Variants in PTPRD observed in about 807,000 individuals in gnomAD.
PTPRD encodes receptor-type tyrosine-protein phosphatase delta.
A neutral mutation model predicts 214.5 loss-of-function variants in PTPRD; 34 were observed. The observed-to-expected ratio is 0.16, with a 90% confidence interval of 0.12 to 0.21. PTPRD has a LOEUF of 0.21. PTPRD is among the 10% of genes least tolerant of loss of function. PTPRD has a pLI of 1.00. For synonymous variants in PTPRD, 1,128 were observed against 845.7 expected (o/e 1.33, Z -5.79); for missense variants, 2,545 against 2,398.7 (o/e 1.06, Z -1.27).
At chr9:9,984,938 C>A (rs2095659684) in intron 4 of PTPRD, among the ~76,000 whole-genome samples, 1 of 152,030 alleles carries the variant, frequency 6.6e-6, no homozygotes, top group African/African-American at 2.4e-5. Flanking sequence ...TGCAATGTGC[C>A]CTACAGCTGG....
chr9:8,953,432 C>G (rs916937847), intron 11 of PTPRD, among the ~76,000 whole-genome samples: 3 of 151,924 alleles, frequency 2.0e-5, no homozygotes, highest in African/African-American at 7.2e-5. Flanking sequence ...TTCTTGATAT[C>G]AGCCTTGGCA....
intron 3 of PTPRD, among the ~76,000 whole-genome samples, chr9:10,148,550 A>G (rs1275411860): frequency 6.6e-6 from 1 of 152,216 alleles, no homozygotes; most frequent in Non-Finnish European, 1.5e-5. Context: ...AGCAAATACT[A>G]TGGAATACTG....
intron 37 of PTPRD, among the ~76,000 whole-genome samples, chr9:8,385,660 C>T (rs751145487): frequency 2.0e-5 from 3 of 152,142 alleles, no homozygotes; most frequent in Non-Finnish European, 2.9e-5. Context: ...AATAAGGAAA[C>T]GTATCTTCAG....
At chr9:9,865,348 G>A (rs528632766) in intron 5 of PTPRD, among the ~76,000 whole-genome samples, 1 of 152,298 alleles carries the variant, frequency 6.6e-6, no homozygotes, top group South Asian at 2.1e-4. Flanking sequence ...CATCATGGAT[G>A]GATTAATCTA....
At chr9:9,833,071 T>C (rs973322457) in intron 5 of PTPRD, among the ~76,000 whole-genome samples, 3 of 152,000 alleles carry the variant, frequency 2.0e-5, no homozygotes, top group South Asian at 2.1e-4. Context: ...CTGACAAACA[T>C]AGAACCTCTG....
chr9:8,980,086 G>C (rs541869877), intron 11 of PTPRD, among the ~76,000 whole-genome samples: 6 of 152,180 alleles, frequency 3.9e-5, no homozygotes, highest in Admixed American at 2.0e-4. Flanking sequence ...CCATAACTTG[G>C]ATGGACCTAA....
At chr9:10,142,632 C>T (rs1282335696) in intron 3 of PTPRD, among the ~76,000 whole-genome samples, 3 of 148,568 alleles carry the variant, frequency 2.0e-5, no homozygotes, top group African/African-American at 7.4e-5. Context: ...ACAACAGGTG[C>T]TGGAGAGGAT....
At chr9:9,835,413 T>C (rs1216603757) in intron 5 of PTPRD, among the ~76,000 whole-genome samples, 1 of 152,138 alleles carries the variant, frequency 6.6e-6, no homozygotes, top group Non-Finnish European at 1.5e-5. Flanking sequence ...GAAGGCTTTC[T>C]AACTTGTAAA....
At chr9:10,047,251 G>C (rs570422031) in intron 3 of PTPRD, among the ~76,000 whole-genome samples, 83 of 150,344 alleles carry the variant, frequency 5.5e-4, no homozygotes, top group African/African-American at 1.8e-3. Flanking sequence ...ATCTAGGATT[G>C]TATCCTAATC....
At chr9:8,929,539 C>A (rs760390544) in intron 11 of PTPRD, among the ~76,000 whole-genome samples, 3 of 151,620 alleles carry the variant, frequency 2.0e-5, no homozygotes, top group African/African-American at 4.9e-5. Context: ...AGTATGAAGC[C>A]GACTTGATCG....
chr9:10,486,846 G>A (rs1303713114), intron 2 of PTPRD, among the ~76,000 whole-genome samples: 1 of 152,122 alleles, frequency 6.6e-6, no homozygotes, highest in Non-Finnish European at 1.5e-5. Flanking sequence ...GATTAAACTT[G>A]ATGTTTCTTC....
At chr9:9,265,818 G>T (rs1201094562) in intron 9 of PTPRD, among the ~76,000 whole-genome samples, 3 of 151,090 alleles carry the variant, frequency 2.0e-5, no homozygotes, top group African/African-American at 7.3e-5. Flanking sequence ...AAGGAACAAA[G>T]AAATAAAGGA....
At chr9:8,393,540 C>A (rs1346076511) in intron 36 of PTPRD, among the ~76,000 whole-genome samples, 6 of 152,088 alleles carry the variant, frequency 3.9e-5, no homozygotes, top group African/African-American at 7.2e-5. Flanking sequence ...CACATTGGCC[C>A]TGCTGCAGGA....
chr9:8,756,079 C>G (rs2093967015), intron 11 of PTPRD, among the ~76,000 whole-genome samples: 1 of 152,032 alleles, frequency 6.6e-6, no homozygotes. Context: ...AGAAAGAATC[C>G]AAATGGGTAG....
At chr9:8,649,549 A>C (rs1281250901) in intron 12 of PTPRD, among the ~76,000 whole-genome samples, 1 of 152,246 alleles carries the variant, frequency 6.6e-6, no homozygotes, top group Admixed American at 6.5e-5. Flanking sequence ...TCAATGAGTA[A>C]TAAAACAGAT....
intron 5 of PTPRD, among the ~76,000 whole-genome samples, chr9:9,782,710 C>T (rs998346453): frequency 6.6e-6 from 1 of 152,062 alleles, no homozygotes; most frequent in Non-Finnish European, 1.5e-5. Context: ...TATGTGGGAC[C>T]TTCTTAATTA....
intron 2 of PTPRD, among the ~76,000 whole-genome samples, chr9:10,421,166 GACAAGCTTGATCT>G (rs2098542001): frequency 6.6e-6 from 1 of 150,644 alleles, no homozygotes; most frequent in Non-Finnish European, 1.5e-5. Flanking sequence ...ATGCAGGTTG[GACAAGCTTGATCT>G]ACAAAAAAAT....
At chr9:9,675,698 T>C (rs1234421689) in intron 7 of PTPRD, among the ~76,000 whole-genome samples, 1 of 151,958 alleles carries the variant, frequency 6.6e-6, no homozygotes, top group Non-Finnish European at 1.5e-5. Context: ...TGAAATGCAC[T>C]GTAAAGAAAA....
chr9:9,879,388 G>T (rs1264903318), intron 5 of PTPRD, among the ~76,000 whole-genome samples: 5 of 152,118 alleles, frequency 3.3e-5, no homozygotes, highest in Non-Finnish European at 5.9e-5. Context: ...AATTGAATCT[G>T]CCTAAGGGCA....
Sources: allele counts gnomAD v4.1 joint callset (sites outside exome capture counted in the v4.1 genomes callset), GRCh38; gene constraint gnomAD v4.1.1; transcripts MANE v1.5; gene names NCBI Gene and HGNC (gene_info 2026-07-23, HGNC 2026-07-21).